The following MAP7 variants were observed in gnomAD, a reference collection of about 807,000 sequenced individuals.
MAP7 encodes the protein ensconsin.
MAP7 carries 52 observed loss-of-function variants against 94.8 expected under a neutral mutation model. The ratio of observed to expected loss-of-function variants is 0.55; its 90% CI spans 0.44 to 0.69. MAP7 has a LOEUF of 0.69. Among genes scored for constraint, MAP7 ranks in the 30% least tolerant of loss-of-function variants. The pLI is 0.00. For missense variants in MAP7, 940 were observed against 964.6 expected, an observed-to-expected ratio of 0.97 and a Z score of 0.34; for synonymous variants, 350 against 357.0, an observed-to-expected ratio of 0.98 and a Z score of 0.22.
At chr6:136,411,846 C>T (rs1787580503) in intron 2 of MAP7, 149 bp from the exon 3 acceptor site, 1 of 602,538 alleles carries the variant, frequency 1.7e-6, no homozygotes, top group Non-Finnish European at 2.8e-6. Flanking sequence ...ACTAGAGTTA[C>T]AGTGATCTAC....
chr6:136,470,852 A>AAT, intron 1 of MAP7, among the ~76,000 whole-genome samples: 1 of 152,250 alleles, frequency 6.6e-6, no homozygotes, highest in East Asian at 1.9e-4. Flanking sequence ...CTGAAAAAAA[A>AAT]AATTGCACTT....
chr6:136,494,861 G>A (rs1447158853), intron 1 of MAP7, among the ~76,000 whole-genome samples: 1 of 152,190 alleles, frequency 6.6e-6, no homozygotes, highest in Non-Finnish European at 1.5e-5. Flanking sequence ...TTCCTTGAGA[G>A]CCTTTGAATC....
chr6:136,381,987 C>G (rs556111414), intron 6 of MAP7, among the ~76,000 whole-genome samples: 1 of 150,588 alleles, frequency 6.6e-6, no homozygotes, highest in African/African-American at 2.4e-5. Flanking sequence ...AAGGTGAGAA[C>G]TGAGGATGCA....
At position 136,463,513 on chromosome 6, in the gene MAP7, T is replaced by C. The variant is rs139424802; in HGVS notation, c.68-41714A>G. ...TTTTTCCAAAATGTTCTTTAGTCTT[T>C]TCACTGTTTTGCTGAGGTGTTTTTT... On this transcript the variant is annotated intron_variant, in intron 1 of 17. Transcript: ENST00000354570. 9.8e-5 allele frequency among the ~76,000 whole-genome samples: 15 copies of C among 152,356 alleles called. No homozygotes were observed. In the East Asian group the frequency reaches 2.7e-3, roughly 27 times the overall value.
At chr6:136,483,129 C>CAAAAAAAAAAAAA (rs57320038) in intron 1 of MAP7, among the ~76,000 whole-genome samples, 1 of 83,134 alleles carries the variant, frequency 1.2e-5, no homozygotes, top group Non-Finnish European at 2.8e-5. Flanking sequence ...AAGTATCTTT[C>CAAAAAAAAAAAAA]AAAAAAAAAA....
intron 1 of MAP7, among the ~76,000 whole-genome samples, chr6:136,456,223 A>T (rs1802807162): frequency 6.6e-6 from 1 of 152,196 alleles, no homozygotes; most frequent in Admixed American, 6.5e-5. Flanking sequence ...GAAAACCTGA[A>T]ATGAGTAGAG....
At chr6:136,363,273 A>G (rs989447912) in intron 10 of MAP7, among the ~76,000 whole-genome samples, 1 of 152,210 alleles carries the variant, frequency 6.6e-6, no homozygotes, top group African/African-American at 2.4e-5. Flanking sequence ...CAAGCTGCCA[A>G]GATGCAAGAT....
At chr6:136,432,103 A>G (rs1695239275) in intron 1 of MAP7, among the ~76,000 whole-genome samples, 1 of 152,172 alleles carries the variant, frequency 6.6e-6, no homozygotes. Flanking sequence ...TTGCTGGTCT[A>G]GTATCAGCAA....
rs1226781921 is a variant in MAP7, at chr6:136,361,193, G to T, written c.1527-14C>A. Reference sequence around the variant, plus strand: ...TCTCTCTTTTGTCTGGAAAAAGACAGAACAAAACCAAAACCAAAGACACCT... The same window carrying T: ...TCTCTCTTTTGTCTGGAAAAAGACATAACAAAACCAAAACCAAAGACACCT... On this transcript the variant is annotated splice_polypyrimidine_tract_variant and intron_variant, in intron 11 of 17. Coordinates refer to ENST00000354570, the MANE Select transcript of MAP7 (RefSeq NM_003980.6). 1 of 1,601,070 alleles carries T rather than the reference G, an allele frequency of 6.2e-7. No homozygotes were observed. The highest frequency in any genetic ancestry group is 8.5e-7 in the Non-Finnish European group (1 of 1,179,868).
chr6:136,373,791 T>C (rs1006525677), intron 7 of MAP7, among the ~76,000 whole-genome samples: 1 of 152,254 alleles, frequency 6.6e-6, no homozygotes, highest in Non-Finnish European at 1.5e-5. Context: ...ATTAATAACT[T>C]AACTCAAAAG....
At chr6:136,366,584 A>C (rs1794390181) in intron 8 of MAP7, 145 bp from the exon 9 acceptor site, 2 of 625,988 alleles carry the variant, frequency 3.2e-6, no homozygotes, top group Admixed American at 5.3e-5. Flanking sequence ...CATCTCAACA[A>C]AAGGCCCTTG....
At chr6:136,374,306 T>C (rs1001518201) in intron 7 of MAP7, among the ~76,000 whole-genome samples, 6 of 152,174 alleles carry the variant, frequency 3.9e-5, no homozygotes, top group African/African-American at 1.4e-4. Context: ...AATAATCTTT[T>C]CTCAAGCGCC....
chr6:136,470,550 C>T (rs558358759), intron 1 of MAP7, among the ~76,000 whole-genome samples: 2 of 152,236 alleles, frequency 1.3e-5, no homozygotes, highest in East Asian at 3.9e-4. Context: ...AGTTACCATG[C>T]TGCACATTAG....
chr6:136,446,235 G>C lies in MAP7; in HGVS notation c.68-24436C>G, dbSNP rs188512710. On this transcript the variant is annotated intron_variant, in intron 1 of 17. Coordinates refer to ENST00000354570, the MANE Select transcript of MAP7 (RefSeq NM_003980.6). ...AGCATGGGAGAAGATTGTCATCAGA[G>C]GTGGATAGGGCACAGATCATCAGAG... Among the ~76,000 whole-genome samples, 19 of 151,288 alleles carry C rather than the reference G, an allele frequency of 1.3e-4. No individual in the cohort carries two copies. In the East Asian group the frequency reaches 3.7e-3, roughly 29 times the overall value.
At chr6:136,416,047 T>C (rs553272054) in intron 2 of MAP7, among the ~76,000 whole-genome samples, 1 of 152,206 alleles carries the variant, frequency 6.6e-6, no homozygotes, top group Admixed American at 6.5e-5. Flanking sequence ...GGTGCTAGAA[T>C]GTCATTAACA....
chr6:136,487,806 C>A (rs117896896), intron 1 of MAP7, among the ~76,000 whole-genome samples: 77 of 152,166 alleles, frequency 5.1e-4, no homozygotes, highest in Non-Finnish European at 9.6e-4. Flanking sequence ...TGTCTAGAGG[C>A]GATTTCTGTT....
chr6:136,378,476 T>G (rs562708180), intron 6 of MAP7, among the ~76,000 whole-genome samples: 1 of 152,314 alleles, frequency 6.6e-6, no homozygotes, highest in African/African-American at 2.4e-5. Flanking sequence ...CCTTTTGACC[T>G]TTTCACTTGG....
chr6:136,515,552 A>C (rs980501600), intron 1 of MAP7, among the ~76,000 whole-genome samples: 1 of 152,206 alleles, frequency 6.6e-6, no homozygotes, highest in Non-Finnish European at 1.5e-5. Flanking sequence ...CACTTAGATT[A>C]GGGGCCATTG....
At chr6:136,351,947 C>A (rs569754783) in intron 16 of MAP7, among the ~76,000 whole-genome samples, 1 of 152,142 alleles carries the variant, frequency 6.6e-6, no homozygotes, top group Non-Finnish European at 1.5e-5. Context: ...CCCAGCACCC[C>A]CACTGGGGCA....
Sources: allele counts gnomAD v4.1 joint callset (sites outside exome capture counted in the v4.1 genomes callset), GRCh38; gene constraint gnomAD v4.1.1; transcripts MANE v1.5; gene names NCBI Gene and HGNC (gene_info 2026-07-23, HGNC 2026-07-21).